PRKAR2B: variants seen among roughly 807,000 people sequenced by gnomAD.
The protein encoded by PRKAR2B is cAMP-dependent protein kinase type II-beta regulatory subunit.
Under a neutral mutation model 49.9 loss-of-function variants are expected in PRKAR2B, and 14 were observed. The ratio of observed to expected loss-of-function variants is 0.28; its 90% CI spans 0.19 to 0.44. PRKAR2B has a LOEUF of 0.44. Among genes scored for constraint, PRKAR2B ranks in the 20% least tolerant of loss-of-function variants. PRKAR2B has a pLI of 1.00. For synonymous variants in PRKAR2B, 196 were observed against 197.7 expected, an observed-to-expected ratio of 0.99 and a Z score of 0.07; for missense variants, 393 against 537.9, an observed-to-expected ratio of 0.73 and a Z score of 2.67.
intron 1 of PRKAR2B, among the ~76,000 whole-genome samples, chr7:107,065,207 G>A (rs1044588223): frequency 6.6e-6 from 1 of 152,182 alleles, no homozygotes; most frequent in Non-Finnish European, 1.5e-5. Flanking sequence ...AGATTATTGT[G>A]TATATTTCAC....
chr7:107,060,252 AGT>A (rs1028930818), intron 1 of PRKAR2B, among the ~76,000 whole-genome samples: 10 of 152,182 alleles, frequency 6.6e-5, no homozygotes, highest in Non-Finnish European at 1.3e-4. Context: ...TATGTACCTA[AGT>A]GTGGAAAGGT....
At chr7:107,056,209 G>C (rs528859498) in intron 1 of PRKAR2B, among the ~76,000 whole-genome samples, 1 of 152,258 alleles carries the variant, frequency 6.6e-6, no homozygotes, top group East Asian at 1.9e-4. Flanking sequence ...TGCTGTTTTG[G>C]TTACCATAGC....
Position 107,159,690 on chromosome 7 carries a change from T to C in PRKAR2B, c.*108T>C, listed in dbSNP as rs1372639170. 8.0e-7 allele frequency: 1 copy of C among 1,250,964 alleles called. No individual in the cohort carries two copies. The highest frequency in any genetic ancestry group is 2.4e-5 in the East Asian group (1 of 41,894). The allele number at this position is 1,250,964 out of a possible 1,614,324, so 77.5% of individuals were successfully genotyped here. The stretch of plus-strand genomic sequence containing the variant: ...AAGCATTTTCTGTGATTTCAGGTTT[T>C]TTCCTTTTTTTACATTTACAACGTA... On this transcript the variant is annotated 3_prime_UTR_variant, in exon 11 of 11. Coordinates refer to ENST00000265717, the MANE Select transcript of PRKAR2B (RefSeq NM_002736.3).
chr7:107,159,308 A>T (rs1796153848), intron 10 of PRKAR2B, 141 bp from the exon 11 acceptor site: 1 of 912,352 alleles, frequency 1.1e-6, no homozygotes, highest in Non-Finnish European at 1.6e-6. Context: ...TTTTATCATT[A>T]TGCTTTTTCT....
At chr7:107,153,331 C>A in intron 8 of PRKAR2B, 80 bp downstream of exon 8, 1 of 1,017,938 alleles carries the variant, frequency 9.8e-7, no homozygotes, top group Non-Finnish European at 1.4e-6. Flanking sequence ...ATAAACTTTT[C>A]ATATTTCTAA....
At chr7:107,063,372 T>C (rs1247852078) in intron 1 of PRKAR2B, among the ~76,000 whole-genome samples, 1 of 152,166 alleles carries the variant, frequency 6.6e-6, no homozygotes. Context: ...GAACCTAATA[T>C]ATATTGTAGC....
At chr7:107,055,996 G>A (rs1384114597) in intron 1 of PRKAR2B, among the ~76,000 whole-genome samples, 4 of 152,266 alleles carry the variant, frequency 2.6e-5, no homozygotes, top group African/African-American at 7.2e-5. Flanking sequence ...TTTTGTATAA[G>A]GTGTAAGGAA....
In PRKAR2B at chr7:107,079,288, G is replaced by A. The variant is rs1447228612; in HGVS notation, c.343+8972G>A. 2.6e-5 allele frequency among the ~76,000 whole-genome samples: 4 copies of A among 152,054 alleles called. No homozygotes were observed. In the South Asian group the frequency reaches 6.2e-4, roughly 24 times the overall value. On this transcript the variant is annotated intron_variant, in intron 2 of 10. Transcript: ENST00000265717. ...ACAGCAATATCAAATTGCTATAATT[G>A]TATCTAAACACTGTTTTACTCTCTG...
chr7:107,068,733 G>A lies in PRKAR2B; in HGVS notation c.308-1548G>A, dbSNP rs1041424830. 2.6e-5 allele frequency: 4 copies of A among 152,086 alleles called. No homozygotes were observed. The South Asian group carries it at 8.3e-4, about 32-fold the overall frequency. 9.4% of individuals were successfully genotyped at this position (152,086 alleles called of 1,614,324 possible). On this transcript the variant is annotated intron_variant, in intron 1 of 10. Coordinates refer to ENST00000265717, the MANE Select transcript of PRKAR2B (RefSeq NM_002736.3). Reference sequence around the variant, plus strand: ...TTTAATCATAATGAAGATCATGAAGGAAGATAATATTCACCTCTTATTGTA... The same window carrying A: ...TTTAATCATAATGAAGATCATGAAGAAAGATAATATTCACCTCTTATTGTA...
intron 1 of PRKAR2B, among the ~76,000 whole-genome samples, chr7:107,050,953 C>G (rs1452449596): frequency 6.6e-6 from 1 of 152,170 alleles, no homozygotes; most frequent in Non-Finnish European, 1.5e-5. Flanking sequence ...GCCTCAGCTT[C>G]CGAAAGTGTT....
intron 2 of PRKAR2B, among the ~76,000 whole-genome samples, chr7:107,071,804 G>A (rs1584411371): frequency 1.3e-5 from 2 of 152,116 alleles, no homozygotes; most frequent in Admixed American, 6.5e-5. Flanking sequence ...GGTGGCTCAC[G>A]CCTGTAATCC....
Position 107,153,234 on chromosome 7 carries a change from G to A in PRKAR2B, c.901G>A (p.Glu301Lys). Residue 301 changes from glutamate to lysine, a missense_variant, in exon 8 of 11, where the codon GAA (glutamate) becomes AAA (lysine). Around this residue, in one of 2 missense-constraint regions of PRKAR2B, gnomAD observed 233 missense variants for 390.4 expected, o/e 0.60. Transcript: ENST00000265717. ...AGGCACCAAAGTATACAACGATGGA[G>A]AACAAATCATTGCTCAGGTATGATA... is the stretch of plus-strand genomic sequence containing the variant. ...VIGTKVYNDG[E>K]QIIAQGDSAD... 1 of 1,605,516 alleles carries A rather than the reference G, an allele frequency of 6.2e-7. No individual in the cohort carries two copies. The highest frequency in any genetic ancestry group is 8.5e-7 in the Non-Finnish European group (1 of 1,175,586).
At chr7:107,118,834 C>T (rs929384435) in intron 2 of PRKAR2B, among the ~76,000 whole-genome samples, 1 of 152,126 alleles carries the variant, frequency 6.6e-6, no homozygotes, top group Non-Finnish European at 1.5e-5. Flanking sequence ...TTATAAGGCA[C>T]GATGACAGCT....
intron 2 of PRKAR2B, among the ~76,000 whole-genome samples, chr7:107,088,126 G>A (rs756190184): frequency 6.6e-6 from 1 of 152,152 alleles, no homozygotes; most frequent in Admixed American, 6.6e-5. Context: ...CTGAGGCACA[G>A]AGAAATTAAC....
At chr7:107,071,069 T>TGG (rs1794259534) in intron 2 of PRKAR2B, among the ~76,000 whole-genome samples, 2 of 152,196 alleles carry the variant, frequency 1.3e-5, no homozygotes, top group African/African-American at 4.8e-5. Flanking sequence ...AGATAAACTA[T>TGG]TATTTAGAAA....
At chr7:107,142,179 C>T (rs970366733) in intron 5 of PRKAR2B, among the ~76,000 whole-genome samples, 5 of 152,100 alleles carry the variant, frequency 3.3e-5, no homozygotes, top group Non-Finnish European at 5.9e-5. Context: ...AAAATGACCT[C>T]TTTGGTCTCC....
chr7:107,079,070 G>A lies in PRKAR2B; in HGVS notation c.343+8754G>A, dbSNP rs549194930. Among the ~76,000 whole-genome samples the A allele has an allele frequency of 1.6e-3, 247 of 152,242 alleles. 1 individual carries two copies. Among genetic ancestry groups the A allele is most frequent in the African/African-American group, 5.6e-3 (232 of 41,526 alleles). On this transcript the variant is annotated intron_variant, in intron 2 of 10. Coordinates refer to ENST00000265717, the MANE Select transcript of PRKAR2B (RefSeq NM_002736.3). ...TGCCACTGTTGGGGAAAGGGGTCGG[G>A]GAGTTAGATCTATAAGATAGTATAA...
intron 4 of PRKAR2B, among the ~76,000 whole-genome samples, chr7:107,139,052 T>C (rs2115632705): frequency 6.6e-6 from 1 of 152,302 alleles, no homozygotes; most frequent in Non-Finnish European, 1.5e-5. Context: ...TTTTCTCTGA[T>C]TTGCTCTTTT....
At chr7:107,062,188 A>G (rs6957586) in intron 1 of PRKAR2B, among the ~76,000 whole-genome samples, 50,463 of 152,034 alleles carry the variant, frequency 0.33, 8,614 homozygotes, top group East Asian at 0.46. Flanking sequence ...TAAGAGAAAT[A>G]AAAGTAACAT....
Sources: allele counts gnomAD v4.1 joint callset (sites outside exome capture counted in the v4.1 genomes callset), GRCh38; gene constraint gnomAD v4.1.1; regional missense constraint gnomAD v4.1.1; transcripts MANE v1.5; gene names NCBI Gene and HGNC (gene_info 2026-07-23, HGNC 2026-07-21).